Variants in COL19A1 observed in about 807,000 individuals in gnomAD.
COL19A1 encodes the protein collagen alpha-1(XIX) chain.
COL19A1 carries 159 observed loss-of-function variants against 190.2 expected under a neutral mutation model. That is an observed-to-expected ratio of 0.84 (90% CI 0.73 to 0.95). The LOEUF (loss-of-function observed/expected upper bound fraction) is 0.95, where lower values mean the gene tolerates loss of function less well. COL19A1 is among the 40% of genes least tolerant of loss of function. The pLI is 0.00. For missense variants in COL19A1, 1,418 were observed against 1,431.9 expected (o/e 0.99, Z 0.16); for synonymous variants, 509 against 458.9 (o/e 1.11, Z -1.39).
chr6:70,105,780 C>T (rs1373904241), intron 16 of COL19A1, among the ~76,000 whole-genome samples: 1 of 152,058 alleles, frequency 6.6e-6, no homozygotes, highest in Non-Finnish European at 1.5e-5. Context: ...AATCCTGAAG[C>T]ATGTGTTAGA....
chr6:70,117,707 CT>C (rs1032698044), intron 16 of COL19A1, among the ~76,000 whole-genome samples: 1 of 152,156 alleles, frequency 6.6e-6, no homozygotes, highest in African/African-American at 2.4e-5. Flanking sequence ...CATATTTTAG[CT>C]GCTCTGTAAT....
At chr6:69,992,882 A>C (rs1462480092) in intron 11 of COL19A1, among the ~76,000 whole-genome samples, 1 of 151,870 alleles carries the variant, frequency 6.6e-6, no homozygotes, top group African/African-American at 2.4e-5. Context: ...TCTAGGTAAA[A>C]AATCATATCT....
intron 12 of COL19A1, among the ~76,000 whole-genome samples, chr6:70,031,303 G>T (rs1043475932): frequency 3.1e-4 from 47 of 151,708 alleles, no homozygotes; most frequent in Non-Finnish European, 3.5e-4. Context: ...ATAATACATA[G>T]TGATCAAATC....
Position 69,885,283 on chromosome 6 carries a change from A to G in COL19A1, c.91+5625A>G, listed in dbSNP as rs372507003. Among the ~76,000 whole-genome samples the G allele has an allele frequency of 3.9e-5, 6 of 152,204 alleles. No individual in the cohort carries two copies. In the East Asian group the frequency reaches 9.6e-4, roughly 24 times the overall value. ...ATCTTAGTATGAATTTGTTAAAAAC[A>G]TTTGCCTTTGCTTTTGAAAAAGATC... On this transcript the variant is annotated intron_variant, in intron 2 of 50. Coordinates refer to ENST00000620364, the MANE Select transcript of COL19A1 (RefSeq NM_001858.6).
intron 16 of COL19A1, among the ~76,000 whole-genome samples, chr6:70,112,923 C>T (rs1784364221): frequency 6.6e-6 from 1 of 152,212 alleles, no homozygotes; most frequent in African/African-American, 2.4e-5. Context: ...CAAGTGAACA[C>T]TTTCCTGGAA....
At chr6:69,984,909 A>G (rs976698459) in intron 11 of COL19A1, among the ~76,000 whole-genome samples, 2 of 152,132 alleles carry the variant, frequency 1.3e-5, no homozygotes, top group Admixed American at 6.6e-5. Flanking sequence ...GAGATTGATA[A>G]TTTTCTTCAT....
At chr6:70,175,936 T>C (rs1326376552) in intron 41 of COL19A1, among the ~76,000 whole-genome samples, 1 of 152,182 alleles carries the variant, frequency 6.6e-6, no homozygotes, top group Non-Finnish European at 1.5e-5. Flanking sequence ...TTATCCCATA[T>C]ATATAGTCGT....
chr6:69,929,404 A>T (rs1306375964), intron 5 of COL19A1, 21 bp from the exon 6 acceptor site: 2 of 1,602,750 alleles, frequency 1.2e-6, no homozygotes, highest in Non-Finnish European at 1.7e-6. Context: ...AAACATTTAA[A>T]GATACTTTAC....
chr6:70,082,216 G>A (rs534214179), intron 15 of COL19A1, among the ~76,000 whole-genome samples: 1 of 151,648 alleles, frequency 6.6e-6, no homozygotes, highest in South Asian at 2.1e-4. Context: ...TGCTTTAACT[G>A]ACTACTGATG....
At chr6:70,084,596 G>A (rs963186335) in intron 15 of COL19A1, among the ~76,000 whole-genome samples, 5 of 152,144 alleles carry the variant, frequency 3.3e-5, no homozygotes, top group South Asian at 2.1e-4. Context: ...TGCTCAGCCC[G>A]TTTTCTGTCT....
intron 14 of COL19A1, among the ~76,000 whole-genome samples, chr6:70,060,349 G>GA (rs1301358936): frequency 6.6e-6 from 1 of 152,110 alleles, no homozygotes; most frequent in Admixed American, 6.6e-5. Flanking sequence ...GTAGAGGTTA[G>GA]AAAAAAATGA....
chr6:70,205,668 A>G (rs974527553), intron 49 of COL19A1, among the ~76,000 whole-genome samples: 2 of 152,232 alleles, frequency 1.3e-5, no homozygotes, highest in Non-Finnish European at 2.9e-5. Flanking sequence ...CTTTTATTCA[A>G]ACAAAGTATT....
intron 2 of COL19A1, chr6:69,891,209 A>G (rs1440855266): frequency 1.9e-5 from 3 of 154,970 alleles, no homozygotes; most frequent in Non-Finnish European, 4.3e-5. Flanking sequence ...CTAGCAAAAA[A>G]AAAAAAAAAA....
intron 17 of COL19A1, among the ~76,000 whole-genome samples, chr6:70,124,085 A>T (rs1262410074): frequency 6.6e-6 from 1 of 151,976 alleles, no homozygotes; most frequent in East Asian, 1.9e-4. Context: ...GGAGATCATT[A>T]AAAAATAAAA....
intron 2 of COL19A1, among the ~76,000 whole-genome samples, chr6:69,885,870 C>T (rs1199645535): frequency 1.3e-5 from 2 of 151,910 alleles, no homozygotes; most frequent in Non-Finnish European, 2.9e-5. Flanking sequence ...TCACAAAAAC[C>T]GTAAAACTCC....
At chr6:70,189,598 T>C (rs1406922174) in intron 47 of COL19A1, among the ~76,000 whole-genome samples, 1 of 152,164 alleles carries the variant, frequency 6.6e-6, no homozygotes, top group African/African-American at 2.4e-5. Flanking sequence ...CCTTTAAAAA[T>C]ATCAAGGCAC....
intron 16 of COL19A1, among the ~76,000 whole-genome samples, chr6:70,112,920 A>G (rs2208609): frequency 0.44 from 66,532 of 152,038 alleles, 14,782 homozygotes; most frequent in South Asian, 0.53. Context: ...GCTCAAGTGA[A>G]CACTTTCCTG....
At chr6:70,152,074 G>C (rs1317437881) in intron 31 of COL19A1, among the ~76,000 whole-genome samples, 1 of 151,890 alleles carries the variant, frequency 6.6e-6, no homozygotes, top group African/African-American at 2.4e-5. Context: ...AACAGGTAGG[G>C]GGGGATGATA....
At chr6:70,178,328 A>T (rs570288147) in intron 42 of COL19A1, among the ~76,000 whole-genome samples, 6 of 152,302 alleles carry the variant, frequency 3.9e-5, no homozygotes, top group Non-Finnish European at 7.4e-5. Context: ...GTGAGCTGAG[A>T]TCGTGTCACT....
Sources: allele counts gnomAD v4.1 joint callset (sites outside exome capture counted in the v4.1 genomes callset), GRCh38; gene constraint gnomAD v4.1.1; transcripts MANE v1.5; gene names NCBI Gene and HGNC (gene_info 2026-07-23, HGNC 2026-07-21).